Variants in ALDH3A2 observed in about 807,000 individuals in gnomAD.
ALDH3A2 encodes the protein aldehyde dehydrogenase family 3 member A2.
ALDH3A2 carries 36 observed loss-of-function variants against 51.3 expected under a neutral mutation model. The observed-to-expected ratio is 0.70, with a 90% confidence interval of 0.54 to 0.93. The LOEUF is 0.93. ALDH3A2 is among the 40% of genes least tolerant of loss of function. The pLI, the probability that ALDH3A2 is intolerant of heterozygous loss-of-function variation, is 0.00. For missense variants in ALDH3A2, 552 were observed against 603.1 expected (o/e 0.92, Z 0.89); for synonymous variants, 199 against 219.8 (o/e 0.91, Z 0.84).
rs548332530 is a variant in ALDH3A2, at chr17:19,652,754, A to G, written c.471+122A>G. On this transcript the variant is annotated intron_variant, in intron 3 of 9. Coordinates refer to ENST00000176643, the MANE Select transcript of ALDH3A2 (RefSeq NM_000382.3). ...CAATTGCAGTCTCTTTAAGCCTTCA[A>G]CAGTTGGCTTAGCAAAAGAAGTTCG... The G allele has an allele frequency of 3.6e-5, 30 of 838,700 alleles. 2 individuals carry two copies. Among genetic ancestry groups the G allele is most frequent in the South Asian group, 1.1e-4 (8 of 71,808 alleles). 52.0% of individuals were successfully genotyped at this position (838,700 alleles called of 1,614,324 possible).
chr17:19,663,112 C>T (rs576157467), intron 6 of ALDH3A2, among the ~76,000 whole-genome samples: 75 of 152,252 alleles, frequency 4.9e-4, no homozygotes, highest in African/African-American at 1.6e-3. Flanking sequence ...GAGTGTGTAT[C>T]GTTCCCTTGG....
In ALDH3A2 at chr17:19,648,931, C is replaced by T. The variant is rs746150138; in HGVS notation, c.-41C>T. ...CTGCATGCTTCCCGCCTCCCACTCC[C>T]CAGCGCCCCCGGACCGTGCAGTTCT... On this transcript the variant is annotated 5_prime_UTR_variant, in exon 1 of 10. Transcript: ENST00000176643. 6.5e-7 allele frequency: 1 copy of T among 1,550,026 alleles called. No individual in the cohort carries two copies. Among genetic ancestry groups the T allele is most frequent in the South Asian group, 1.2e-5 (1 of 84,804 alleles).
In ALDH3A2 at chr17:19,661,123, A is replaced by G; in HGVS notation, c.799-4A>G. 6.2e-7 allele frequency: 1 copy of G among 1,609,464 alleles called. No individual in the cohort carries two copies. Among genetic ancestry groups the G allele is most frequent in the Non-Finnish European group, 8.5e-7 (1 of 1,175,846 alleles). ...CATTTATATACTCCTGTTGTTTTAAATAGGAATTTTATGGAGAAAATATAA... is the reference window on the plus strand; with the variant it reads ...CATTTATATACTCCTGTTGTTTTAAGTAGGAATTTTATGGAGAAAATATAA... On this transcript the variant is annotated splice_polypyrimidine_tract_variant and splice_region_variant and intron_variant, in intron 5 of 9. Coordinates refer to ENST00000176643, the MANE Select transcript of ALDH3A2 (RefSeq NM_000382.3).
rs2084896088 is a variant in ALDH3A2, at chr17:19,656,351, TTCTC to T, written c.472-13_472-10del. The T allele has an allele frequency of 5.6e-6, 9 of 1,605,884 alleles. No homozygotes were observed. The highest frequency in any genetic ancestry group is 6.8e-6 in the Non-Finnish European group (8 of 1,172,786). On this transcript the variant is annotated splice_polypyrimidine_tract_variant and intron_variant, in intron 3 of 9. Transcript: ENST00000176643. ...TATTTGGCAGTGCAAGAGTTTGTGTTTCTCTTTCTTTGAGGATCTCTATATTGTT... is the reference window on the plus strand; with the variant it reads ...TATTTGGCAGTGCAAGAGTTTGTGTTTTTCTTTGAGGATCTCTATATTGTT...
intron 4 of ALDH3A2, 27 bp downstream of exon 4, chr17:19,656,601 G>T (rs747330888): frequency 1.3e-6 from 2 of 1,580,404 alleles, no homozygotes; most frequent in South Asian, 2.3e-5. Flanking sequence ...GATTTTCTGA[G>T]GTTTTCCCAG....
At chr17:19,648,594 TGGCCGCGCTC>T (rs1440841116), upstream of ALDH3A2, 2 of 247,986 alleles carry the variant, frequency 8.1e-6, no homozygotes, top group African/African-American at 4.7e-5. Flanking sequence ...CCCTGGCCCG[TGGCCGCGCTC>T]GGCTCCCGCA....
At chr17:19,674,138 G>C (rs1252665640) in intron 9 of ALDH3A2, 1 of 152,194 alleles carries the variant, frequency 6.6e-6, no homozygotes, top group Non-Finnish European at 1.5e-5. Context: ...GTGAAATCAA[G>C]GTGTAGTATA....
chr17:19,668,124 T>C (rs2085064145), intron 8 of ALDH3A2, among the ~76,000 whole-genome samples: 1 of 152,232 alleles, frequency 6.6e-6, no homozygotes, highest in Non-Finnish European at 1.5e-5. Context: ...TTTTGCTGTG[T>C]TCACATCTTC....
rs750697040 is a variant in ALDH3A2, at chr17:19,661,228, AG to A, written c.901del (p.Ala301LeufsTer13). 7.4e-6 allele frequency: 12 copies of A among 1,614,078 alleles called. No homozygotes were observed. The highest frequency in any genetic ancestry group is 1.0e-5 in the Non-Finnish European group (12 of 1,180,036). On this transcript the variant is annotated frameshift_variant, in exon 6 of 10. Transcript: ENST00000176643. LOFTEE classifies it high-confidence loss of function. ...ILSLLEGQKI[A>X]FGGETDEATR... ...TAAGTTTGCTTGAAGGACAAAAGAT[AG>A]CTTTTGGTGGGGAGACTGATGAGGC...
At chr17:19,661,525 A>C in intron 6 of ALDH3A2, 1 of 450,092 alleles carries the variant, frequency 2.2e-6, no homozygotes. Context: ...CCTCCTAACA[A>C]TCCTGAGAAG....
rs1042211422 is a variant in ALDH3A2, at chr17:19,654,006, C to T, written c.471+1374C>T. Among the ~76,000 whole-genome samples, 4 of 152,042 alleles carry T rather than the reference C, an allele frequency of 2.6e-5. No homozygotes were observed. Among genetic ancestry groups the T allele is most frequent in the African/African-American group, 9.7e-5 (4 of 41,374 alleles). ...CCCACTAGATTAGCTAGACACAGAG[C>T]ACTGATTGGTGCATTTACAAACCTT... On this transcript the variant is annotated intron_variant, in intron 3 of 9. Transcript: ENST00000176643. The surrounding 1 kb of genome is among the most constrained non-coding windows in gnomAD (Gnocchi z 4.5).
At chr17:19,673,375 TTTTTATTTTTG>T (rs1240782195) in intron 9 of ALDH3A2, 3 of 1,410,924 alleles carry the variant, frequency 2.1e-6, no homozygotes, top group Non-Finnish European at 2.8e-6. Context: ...TTTGTTTTTG[TTTTTATTTTTG>T]TTTTTTTTTT....
chr17:19,648,985 T>G lies in ALDH3A2; in HGVS notation c.14T>G (p.Val5Gly), dbSNP rs991871177. 1.3e-6 allele frequency: 2 copies of G among 1,585,624 alleles called. No homozygotes were observed. The highest frequency in any genetic ancestry group is 1.3e-5 in the African/African-American group (1 of 74,798). The change falls in exon 1 of 10, where the codon GTC (valine) becomes GGC (glycine). Residue 5 changes from valine to glycine, a missense_variant. Coordinates refer to ENST00000176643, the MANE Select transcript of ALDH3A2 (RefSeq NM_000382.3). MELE[V>G]RRVRQAFLSG... ...CAGGACCAGGCCATGGAGCTCGAAG[T>G]CCGGCGGGTCCGACAGGCGTTCCTG...
chr17:19,656,145 T>A, intron 3 of ALDH3A2: 1 of 565,232 alleles, frequency 1.8e-6, no homozygotes, highest in Non-Finnish European at 3.2e-6. Flanking sequence ...AACACTGGAG[T>A]CTCCAGATTA....
intron 7 of ALDH3A2, among the ~76,000 whole-genome samples, chr17:19,664,218 A>G (rs2085005521): frequency 6.6e-6 from 1 of 152,226 alleles, no homozygotes; most frequent in South Asian, 2.1e-4. Flanking sequence ...GTTATTAACA[A>G]AACAATGGTT....
chr17:19,657,698 GACTGAATT>G lies in ALDH3A2; in HGVS notation c.681-37_681-30del, dbSNP rs3034928. On this transcript the variant is annotated intron_variant, in intron 4 of 9. Transcript: ENST00000176643. ...AACACAATGTAACAAATGAATATTTGACTGAATTACTGAATTATATAGCTGTTCTGGAT... is the reference window on the plus strand; with the variant it reads ...AACACAATGTAACAAATGAATATTTGACTGAATTATATAGCTGTTCTGGAT... 0.55 allele frequency: 715,319 copies of G among 1,297,748 alleles called. 202,308 individuals are homozygous for G. Among genetic ancestry groups the G allele is most frequent in the East Asian group, 0.9 (39,042 of 43,228 alleles). 80.4% of individuals were successfully genotyped at this position (1,297,748 alleles called of 1,614,324 possible).
chr17:19,673,146 C>T (rs1245216291), intron 9 of ALDH3A2: 5 of 1,614,172 alleles, frequency 3.1e-6, no homozygotes, highest in Non-Finnish European at 4.2e-6. Context: ...TTTGGGTTTT[C>T]TCAGAAATAC....
intron 8 of ALDH3A2, among the ~76,000 whole-genome samples, 156 bp from the exon 9 acceptor site, chr17:19,671,565 A>G (rs1254410543): frequency 6.6e-6 from 1 of 152,200 alleles, no homozygotes; most frequent in Non-Finnish European, 1.5e-5. Flanking sequence ...GGAAGTTGGT[A>G]AGGACTTCCT....
intron 9 of ALDH3A2, 113 bp from the exon 10 acceptor site, chr17:19,675,445 T>G: frequency 9.3e-7 from 1 of 1,075,252 alleles, no homozygotes; most frequent in South Asian, 1.3e-5. Context: ...GCATGTAGAG[T>G]CTCTTCAGAC....
Sources: gnomAD v4.1 joint callset for allele counts (sites outside exome capture counted in the v4.1 genomes callset) on GRCh38, gnomAD v4.1.1 for gene constraint, Gnocchi (gnomAD v3.1) non-coding constraint, MANE v1.5 for transcripts, NCBI Gene and HGNC (gene_info 2026-07-23, HGNC 2026-07-21) for gene names.